The following NRG1 variants were observed in gnomAD, a reference collection of about 807,000 sequenced individuals.
The protein encoded by NRG1 is pro-neuregulin-1, membrane-bound isoform.
In NRG1, 18 loss-of-function variants were observed where a neutral mutation model predicts 63.8. The observed-to-expected ratio is 0.28, with a 90% CI of 0.19 to 0.42. The LOEUF is 0.42. Ranked by LOEUF, NRG1 falls within the 10% of genes least tolerant of loss-of-function variation. The pLI is 1.00. For missense variants in NRG1, 762 were observed against 814.7 expected, an observed-to-expected ratio of 0.94 and a Z score of 0.79; for synonymous variants, 302 against 301.3, an observed-to-expected ratio of 1.00 and a Z score of -0.02.
chr8:32,142,271 A>G (rs1415799145), intron 1 of NRG1, among the ~76,000 whole-genome samples: 1 of 152,174 alleles, frequency 6.6e-6, no homozygotes, highest in South Asian at 2.1e-4. Context: ...GTATGTGTGT[A>G]TACATAATCC....
At chr8:32,511,431 C>A (rs1031157721) in intron 1 of NRG1, among the ~76,000 whole-genome samples, 1 of 145,712 alleles carries the variant, frequency 6.9e-6, no homozygotes, top group African/African-American at 2.5e-5. Context: ...CTGCTTATAG[C>A]CCTGAATCCC....
chr8:32,467,970 C>A (rs1308127489), intron 1 of NRG1, among the ~76,000 whole-genome samples: 1 of 152,142 alleles, frequency 6.6e-6, no homozygotes, highest in Non-Finnish European at 1.5e-5. Context: ...ACATCTGGAC[C>A]CAACACAGAA....
At chr8:32,623,126 T>G (rs547679628) in intron 5 of NRG1, among the ~76,000 whole-genome samples, 1 of 152,354 alleles carries the variant, frequency 6.6e-6, no homozygotes, top group Admixed American at 6.5e-5. Context: ...AAAAGCTAGC[T>G]GAAGGAAAAG....
At chr8:32,718,838 T>C (rs914171252) in intron 5 of NRG1, among the ~76,000 whole-genome samples, 1 of 152,216 alleles carries the variant, frequency 6.6e-6, no homozygotes, top group African/African-American at 2.4e-5. Context: ...AATTCATGCC[T>C]GACTGACCTA....
chr8:32,400,034 T>A (rs1247160302), intron 1 of NRG1, among the ~76,000 whole-genome samples: 1 of 152,202 alleles, frequency 6.6e-6, no homozygotes, highest in Non-Finnish European at 1.5e-5. Context: ...GTGCAGTCCA[T>A]AAATTGTTTT....
intron 1 of NRG1, among the ~76,000 whole-genome samples, chr8:31,802,519 G>T (rs1200354711): frequency 6.6e-6 from 1 of 152,070 alleles, no homozygotes; most frequent in African/African-American, 2.4e-5. Flanking sequence ...CAGAAAAATG[G>T]TTGATATCTA....
intron 1 of NRG1, among the ~76,000 whole-genome samples, chr8:31,855,753 G>A (rs1008105389): frequency 5.3e-5 from 8 of 152,148 alleles, no homozygotes; most frequent in Non-Finnish European, 1.2e-4. Flanking sequence ...GCTGGTACCG[G>A]TTGTTCCTTT....
At chr8:32,657,252 T>C (rs927246155) in intron 5 of NRG1, among the ~76,000 whole-genome samples, 1 of 151,736 alleles carries the variant, frequency 6.6e-6, no homozygotes, top group Admixed American at 6.6e-5. Flanking sequence ...TGGTGTACAA[T>C]GTAATATAAT....
chr8:31,870,183 A>C (rs1235731760), intron 1 of NRG1, among the ~76,000 whole-genome samples: 1 of 152,108 alleles, frequency 6.6e-6, no homozygotes, highest in Non-Finnish European at 1.5e-5. Context: ...CTTATCTTGC[A>C]GAAGCAAGAT....
At chr8:32,697,450 C>A (rs1353278004) in intron 5 of NRG1, among the ~76,000 whole-genome samples, 1 of 152,160 alleles carries the variant, frequency 6.6e-6, no homozygotes, top group African/African-American at 2.4e-5. Context: ...TCTCTTTGTT[C>A]TATAAGCTTG....
At chr8:32,022,580 G>A (rs1013446632) in intron 1 of NRG1, among the ~76,000 whole-genome samples, 4 of 152,112 alleles carry the variant, frequency 2.6e-5, no homozygotes, top group Non-Finnish European at 5.9e-5. Flanking sequence ...CTAACAGCAA[G>A]GGAGAGGGAA....
At chr8:32,027,896 C>A (rs4733286) in intron 1 of NRG1, among the ~76,000 whole-genome samples, 148,027 of 152,260 alleles carry the variant, frequency 0.97, 72,093 homozygotes, top group East Asian at 1. Context: ...TATTTCATTC[C>A]GGGTAGGAGC....
chr8:31,747,372 C>G (rs1045444262), intron 1 of NRG1, among the ~76,000 whole-genome samples: 2 of 151,886 alleles, frequency 1.3e-5, no homozygotes, highest in Non-Finnish European at 2.9e-5. Flanking sequence ...GTTTGTGTCA[C>G]TGCTCTGCTC....
At chr8:31,970,529 G>A (rs1807105974) in intron 1 of NRG1, among the ~76,000 whole-genome samples, 1 of 152,150 alleles carries the variant, frequency 6.6e-6, no homozygotes, top group South Asian at 2.1e-4. Context: ...TCTACAATAG[G>A]TAGCAGAATT....
intron 1 of NRG1, among the ~76,000 whole-genome samples, chr8:32,478,116 A>G (rs1275444043): frequency 6.6e-6 from 1 of 152,266 alleles, no homozygotes; most frequent in African/African-American, 2.4e-5. Context: ...GCAAATGAGA[A>G]ATAAAACAAC....
At chr8:32,403,181 C>T (rs910663767) in intron 1 of NRG1, among the ~76,000 whole-genome samples, 6 of 151,454 alleles carry the variant, frequency 4.0e-5, no homozygotes, top group African/African-American at 4.9e-5. Context: ...TGCCTGTAAT[C>T]GCAGCTACTT....
At chr8:31,797,400 A>G (rs898749538) in intron 1 of NRG1, among the ~76,000 whole-genome samples, 1 of 152,172 alleles carries the variant, frequency 6.6e-6, no homozygotes, top group Non-Finnish European at 1.5e-5. Flanking sequence ...TGGTCTCAAT[A>G]AAGACCCAGC....
At chr8:31,876,908 C>T (rs569271614) in intron 1 of NRG1, among the ~76,000 whole-genome samples, 1 of 152,280 alleles carries the variant, frequency 6.6e-6, no homozygotes, top group Admixed American at 6.5e-5. Context: ...AAAGTGTGTG[C>T]ATACTTTCTT....
chr8:32,721,548 A>G (rs1820641127), intron 5 of NRG1, among the ~76,000 whole-genome samples: 1 of 152,166 alleles, frequency 6.6e-6, no homozygotes, highest in Non-Finnish European at 1.5e-5. Flanking sequence ...GAGTTCAGTC[A>G]AGGAGAGGTC....
Sources: allele counts gnomAD v4.1 joint callset (sites outside exome capture counted in the v4.1 genomes callset), GRCh38; gene constraint gnomAD v4.1.1; transcripts MANE v1.5; gene names NCBI Gene and HGNC (gene_info 2026-07-23, HGNC 2026-07-21).